Variants in CCDC14 observed in about 807,000 individuals in gnomAD.
CCDC14 encodes coiled-coil domain-containing protein 14.
Under a neutral mutation model 81.4 loss-of-function variants are expected in CCDC14, and 71 were observed. The observed-to-expected ratio is 0.87, with a 90% confidence interval of 0.72 to 1.06. The LOEUF (loss-of-function observed/expected upper bound fraction) is 1.06. Ranked by LOEUF, CCDC14 falls within the 50% of genes least tolerant of loss-of-function variation. CCDC14 has a pLI of 0.00. For missense variants in CCDC14, 1,046 were observed against 1,047.3 expected, an observed-to-expected ratio of 1.00 and a Z score of 0.02; for synonymous variants, 332 against 364.8, an observed-to-expected ratio of 0.91 and a Z score of 1.03.
At chr3:123,902,402 C>A (rs939413480) in intron 5 of CCDC14, among the ~76,000 whole-genome samples, 4 of 152,166 alleles carry the variant, frequency 2.6e-5, no homozygotes, top group Non-Finnish European at 5.9e-5. Flanking sequence ...GGGAGACAAC[C>A]AAACATTATG....
chr3:123,950,653 T>C (rs2036954823), intron 5 of CCDC14, among the ~76,000 whole-genome samples: 1 of 151,992 alleles, frequency 6.6e-6, no homozygotes, highest in Admixed American at 6.6e-5. Context: ...GTGAGGGTAC[T>C]GACAGGGAGG....
chr3:123,898,690 C>T (rs73184263), intron 5 of CCDC14, among the ~76,000 whole-genome samples: 14 of 151,970 alleles, frequency 9.2e-5, no homozygotes, highest in African/African-American at 2.7e-4. Context: ...TATCCCAGTA[C>T]GTTTTCTTTT....
chr3:123,950,405 A>G (rs2036935743), intron 5 of CCDC14, among the ~76,000 whole-genome samples: 1 of 152,238 alleles, frequency 6.6e-6, no homozygotes, highest in Admixed American at 6.5e-5. Flanking sequence ...AATAGCAGAA[A>G]TGGATAAACT....
At chr3:123,899,349 A>G (rs1358863520) in intron 5 of CCDC14, among the ~76,000 whole-genome samples, 3 of 152,130 alleles carry the variant, frequency 2.0e-5, no homozygotes, top group African/African-American at 7.2e-5. Context: ...ATGCCCTCAC[A>G]TGGTTTCAGA....
Position 123,955,962 on chromosome 3 carries a change from G to A in CCDC14, c.233C>T (p.Ser78Leu). 6.5e-7 allele frequency: 1 copy of A among 1,527,076 alleles called. No individual in the cohort carries two copies. Among genetic ancestry groups the A allele is most frequent in the Non-Finnish European group, 8.8e-7 (1 of 1,135,346 alleles). The allele number at this position is 1,527,076 out of a possible 1,614,324, so 94.6% of individuals were successfully genotyped here. A position where few individuals can be genotyped will look rare whatever the true frequency, so the allele number is the denominator to read the frequency against. The change falls in exon 5 of 13, where the codon TCA (serine) becomes TTA (leucine). Residue 78 changes from serine to leucine, a missense_variant. Coordinates refer to ENST00000409697, the MANE Select transcript of CCDC14 (RefSeq NM_001366335.1). ...TCTGTTTTCTAAATATGCTGTTTCTGAACCTATTAATAAAACAAAAATTTG... is the reference window on the plus strand; with the variant it reads ...TCTGTTTTCTAAATATGCTGTTTCTAAACCTATTAATAAAACAAAAATTTG... ...RDILRNEDSGSETAYLENRSN... is the reference protein window; with the variant it reads ...RDILRNEDSGLETAYLENRSN...
the CCDC14 span, among the ~76,000 whole-genome samples, chr3:123,885,209 CAT>C: frequency 2.6e-4 from 39 of 151,890 alleles, no homozygotes; most frequent in African/African-American, 8.9e-4. Flanking sequence ...TAAAATAAAA[CAT>C]AAATACAGAA....
In CCDC14 at chr3:123,913,709, CGAG is replaced by C; in HGVS notation, c.*1067_*1069del. 1 of 981,700 alleles carries C rather than the reference CGAG, an allele frequency of 1.0e-6. No homozygotes were observed. Among genetic ancestry groups the C allele is most frequent in the Non-Finnish European group, 1.2e-6 (1 of 829,318 alleles). The allele number at this position is 981,700 out of a possible 1,614,324, so 60.8% of individuals were successfully genotyped here. On this transcript the variant is annotated 3_prime_UTR_variant, in exon 13 of 13. Coordinates refer to ENST00000409697, the MANE Select transcript of CCDC14 (RefSeq NM_001366335.1). Reference sequence around the variant, plus strand: ...AAAACCACCAAAAAAACAAAAAACACGAGGAGGTTCTGGGATTAGGAGAACACT... The same window carrying C: ...AAAACCACCAAAAAAACAAAAAACACGAGGTTCTGGGATTAGGAGAACACT...
At chr3:123,948,642 G>A (rs1310917024) in intron 7 of CCDC14, 49 bp downstream of exon 7, 2 of 1,318,794 alleles carry the variant, frequency 1.5e-6, no homozygotes, top group Admixed American at 5.1e-5. Context: ...CCTCCTGAAT[G>A]ACTGCTATAA....
At position 123,947,296 on chromosome 3, in the gene CCDC14, A is replaced by C; in HGVS notation, c.708T>G (p.Ser236Arg). 6.2e-7 allele frequency: 1 copy of C among 1,610,722 alleles called. No homozygotes were observed. The highest frequency in any genetic ancestry group is 8.5e-7 in the Non-Finnish European group (1 of 1,177,426). Residue 236 changes from serine (S) to arginine (R), a missense_variant, in exon 8 of 13, where the codon AGT (serine) becomes AGG (arginine). Physicochemically the swap from Ser to Arg is moderately radical, Grantham distance 110. Coordinates refer to ENST00000409697, the MANE Select transcript of CCDC14 (RefSeq NM_001366335.1). ...VHSEVQTDGN[S>R]QFASQGKTVS... is the part of the protein sequence containing the mutation. ...CTGTTTTACCTTGTGATGCAAACTGACTGTTGCCATCAGTTTGAACTTCCT... is the reference window on the plus strand; with the variant it reads ...CTGTTTTACCTTGTGATGCAAACTGCCTGTTGCCATCAGTTTGAACTTCCT...
At chr3:123,885,949 T>A in the CCDC14 span, among the ~76,000 whole-genome samples, 1 of 152,204 alleles carries the variant, frequency 6.6e-6, no homozygotes, top group African/African-American at 2.4e-5. Context: ...TTTAAAAAAA[T>A]TACCCAGTTT....
intron 9 of CCDC14, among the ~76,000 whole-genome samples, chr3:123,936,734 A>G (rs190797969): frequency 6.6e-6 from 1 of 152,166 alleles, no homozygotes; most frequent in African/African-American, 2.4e-5. Context: ...AAAGATAACT[A>G]TTGTGTACTG....
chr3:123,916,750 A>G (rs1210073863), intron 12 of CCDC14, among the ~76,000 whole-genome samples: 1 of 152,154 alleles, frequency 6.6e-6, no homozygotes, highest in Admixed American at 6.5e-5. Context: ...TAAAATAATA[A>G]GGTATAAAGT....
At chr3:123,916,413 C>T (rs2034692241) in intron 12 of CCDC14, among the ~76,000 whole-genome samples, 3 of 151,548 alleles carry the variant, frequency 2.0e-5, no homozygotes, top group African/African-American at 7.3e-5. Flanking sequence ...GGGAAACACA[C>T]TATTCATTTG....
chr3:123,946,665 A>G (rs1455703945), intron 8 of CCDC14, 138 bp downstream of exon 8: 1 of 837,118 alleles, frequency 1.2e-6, no homozygotes, highest in Non-Finnish European at 1.9e-6. Flanking sequence ...TAATACAATA[A>G]GTAGAACTCA....
rs1180759520 is a variant in CCDC14, at chr3:123,914,788, C to T, written c.2709G>A (p.Leu903=). Residue 903 remains leucine (L), a synonymous_variant, in exon 13 of 13, where the codon CTG becomes CTA. Transcript: ENST00000409697. ...RLQKSLRTGL[L]EK Reference sequence around the variant, plus strand: ...GAGTTTTCTTCTGAATTCATTTCTCCAGAAGACCAGTCCTTAAAGACTTCT... The same window carrying T: ...GAGTTTTCTTCTGAATTCATTTCTCTAGAAGACCAGTCCTTAAAGACTTCT... 6.5e-7 allele frequency: 1 copy of T among 1,528,156 alleles called. No homozygotes were observed. The highest frequency in any genetic ancestry group is 8.8e-7 in the Non-Finnish European group (1 of 1,136,540). The allele number at this position is 1,528,156 out of a possible 1,614,324, so 94.7% of individuals were successfully genotyped here.
chr3:123,941,873 C>A (rs974906162), intron 9 of CCDC14, among the ~76,000 whole-genome samples: 1 of 151,780 alleles, frequency 6.6e-6, no homozygotes, highest in East Asian at 1.9e-4. Flanking sequence ...TCTAAGGAAC[C>A]GAAATAAATA....
At chr3:123,924,187 G>A (rs1042191871) in intron 12 of CCDC14, among the ~76,000 whole-genome samples, 4 of 151,982 alleles carry the variant, frequency 2.6e-5, no homozygotes, top group Non-Finnish European at 5.9e-5. Flanking sequence ...AAAACAAAAT[G>A]GGGAAAAGTC....
chr3:123,958,564 A>G (rs1179462430), intron 1 of CCDC14: 1 of 151,962 alleles, frequency 6.6e-6, no homozygotes, highest in African/African-American at 2.4e-5. Context: ...TTCTCTCTCA[A>G]TATATATACA....
rs144250570 is a variant in CCDC14 at position 123,955,345 on chromosome 3, G to C, written c.352+498C>G. 12 of 152,148 alleles carry C rather than the reference G, an allele frequency of 7.9e-5. No individual in the cohort carries two copies. In the East Asian group the frequency reaches 1.2e-3, roughly 15 times the overall value. 9.4% of individuals were successfully genotyped at this position (152,148 alleles called of 1,614,324 possible). ...AGCCGTGAGGGTGTAAAGTACCCTT[G>C]GCTATACTCACCACCAATCAGCAGC... On this transcript the variant is annotated intron_variant, in intron 5 of 12. Transcript: ENST00000409697.
Sources: allele counts gnomAD v4.1 joint callset (sites outside exome capture counted in the v4.1 genomes callset), GRCh38; gene constraint gnomAD v4.1.1; transcripts MANE v1.5; gene names NCBI Gene and HGNC (gene_info 2026-07-23, HGNC 2026-07-21).